The following ROPN1L variants were observed in gnomAD, a reference collection of about 807,000 sequenced individuals.
ROPN1L encodes the protein ropporin-1-like protein.
Under a neutral mutation model 22.7 loss-of-function variants are expected in ROPN1L, and 23 were observed. The ratio of observed to expected loss-of-function variants is 1.01; its 90% CI spans 0.73 to 1.43. The LOEUF is 1.43. Ranked by LOEUF, ROPN1L falls within the 40% of genes most tolerant of loss-of-function variation. The probability of loss-of-function intolerance (pLI) is 0.00; values close to 1 mark genes in which losing one functional copy is unlikely to be tolerated. For synonymous variants in ROPN1L, 116 were observed against 117.8 expected, an observed-to-expected ratio of 0.98 and a Z score of 0.10; for missense variants, 271 against 291.5, an observed-to-expected ratio of 0.93 and a Z score of 0.51.
downstream of ROPN1L, among the ~76,000 whole-genome samples, chr5:10,474,524 A>G (rs138237005): frequency 6.6e-3 from 1,008 of 152,276 alleles, 9 homozygotes; most frequent in African/African-American, 0.023. Context: ...CCAAAAAACG[A>G]GACCTCAGCT....
chr5:10,461,646 C>T (rs1269025060), intron 4 of ROPN1L: 1 of 263,844 alleles, frequency 3.8e-6, no homozygotes, highest in Non-Finnish European at 7.2e-6. Flanking sequence ...CCAAGACTGC[C>T]CCCACCCTGC....
At chr5:10,454,208 C>A (rs1741346605) in intron 3 of ROPN1L, among the ~76,000 whole-genome samples, 2 of 152,066 alleles carry the variant, frequency 1.3e-5, no homozygotes, top group Non-Finnish European at 2.9e-5. Flanking sequence ...CTCACTGCAG[C>A]CTCAACCTCC....
intron 3 of ROPN1L, among the ~76,000 whole-genome samples, chr5:10,450,409 T>A (rs905478278): frequency 6.6e-6 from 1 of 152,228 alleles, no homozygotes; most frequent in Non-Finnish European, 1.5e-5. Context: ...AAACTACAAA[T>A]CATTTTGTAA....
intron 3 of ROPN1L, among the ~76,000 whole-genome samples, chr5:10,456,009 T>C (rs1224715653): frequency 6.6e-6 from 1 of 151,936 alleles, no homozygotes; most frequent in Non-Finnish European, 1.5e-5. Flanking sequence ...CTTGGGGAGG[T>C]GTGAGGTGAC....
rs11957839 is a variant in ROPN1L, at chr5:10,448,393, G to T, written c.255+10G>T. The T allele has an allele frequency of 1.0e-3, 1,620 of 1,613,834 alleles. 12 individuals carry two copies. The highest frequency in any genetic ancestry group is 7.1e-3 in the South Asian group (649 of 91,056). ...AGTTTTGCACAAGCAGGTATGGGGG[G>T]GCGTAGTCTCTGGCCTCAGGCAGCT... On this transcript the variant is annotated intron_variant, in intron 2 of 4. Transcript: ENST00000274134.
intron 3 of ROPN1L, among the ~76,000 whole-genome samples, chr5:10,458,630 C>CT (rs1198410735): frequency 1.3e-5 from 1 of 75,624 alleles, no homozygotes; most frequent in Non-Finnish European, 2.7e-5. Context: ...CATCATCCCC[C>CT]CATGTACACC....
At chr5:10,458,928 C>T (rs1287688897) in intron 3 of ROPN1L, among the ~76,000 whole-genome samples, 8 of 105,936 alleles carry the variant, frequency 7.6e-5, no homozygotes, top group African/African-American at 2.9e-4. Context: ...ATCCCCCCAC[C>T]GTGTACACCA....
chr5:10,465,950 AGCTGAG>A (rs1735146416), downstream of ROPN1L, among the ~76,000 whole-genome samples: 1 of 152,166 alleles, frequency 6.6e-6, no homozygotes, highest in Admixed American at 6.5e-5. Flanking sequence ...GGGCATTGGC[AGCTGAG>A]GCTGCATCTT....
intron 3 of ROPN1L, among the ~76,000 whole-genome samples, chr5:10,459,284 A>AGGTTCCCGCCTTCCACCCTCCTCACCG (rs1180233738): frequency 3.1e-4 from 46 of 146,584 alleles, no homozygotes; most frequent in Middle Eastern, 3.5e-3. Flanking sequence ...CCTCCTTGCC[A>AGGTTCCCGCCTTCCACCCTCCTCACCG]GGTTCCCGCC....
chr5:10,452,116 G>A (rs1479896084), intron 3 of ROPN1L, among the ~76,000 whole-genome samples: 1 of 151,978 alleles, frequency 6.6e-6, no homozygotes, highest in African/African-American at 2.4e-5. Context: ...GAGTAGCTGG[G>A]ATTACAGGCA....
At position 10,442,202 on chromosome 5, in the gene ROPN1L, A is replaced by C. The variant is rs1163898801; in HGVS notation, c.35A>C (p.Gln12Pro). The C allele has an allele frequency of 6.2e-7, 1 of 1,613,836 alleles. No individual in the cohort carries two copies. The highest frequency in any genetic ancestry group is 8.5e-7 in the Non-Finnish European group (1 of 1,179,888). ...CCCGACACCATGTTCTGCGCTCAGCAGATCCACATTCCCCCGGAGCTGCCG... is the reference window on the plus strand; with the variant it reads ...CCCGACACCATGTTCTGCGCTCAGCCGATCCACATTCCCCCGGAGCTGCCG... Reference protein sequence around the residue: ...PLPDTMFCAQQIHIPPELPDI... With the variant: ...PLPDTMFCAQPIHIPPELPDI... The change falls in exon 1 of 5, where the codon CAG becomes CCG. Residue 12 changes from glutamine to proline, a missense_variant. Physicochemically the swap from Gln to Pro is moderately conservative, Grantham distance 76. Coordinates refer to ENST00000274134, the MANE Select transcript of ROPN1L (RefSeq NM_031916.5).
chr5:10,467,824 C>T (rs987006814), downstream of ROPN1L, among the ~76,000 whole-genome samples: 4 of 152,194 alleles, frequency 2.6e-5, no homozygotes, highest in African/African-American at 9.6e-5. Flanking sequence ...ACACCTGTGT[C>T]GTCTCAGAGT....
chr5:10,478,313 C>T, the ROPN1L span, among the ~76,000 whole-genome samples: 1 of 152,216 alleles, frequency 6.6e-6, no homozygotes, highest in Non-Finnish European at 1.5e-5. Context: ...TTCCCAGTAC[C>T]CTTTCTGTAT....
In ROPN1L at chr5:10,464,933, G is replaced by T. The variant is rs748897594; in HGVS notation, c.679G>T (p.Asp227Tyr). 6.3e-7 allele frequency: 1 copy of T among 1,586,932 alleles called. No homozygotes were observed. Among genetic ancestry groups the T allele is most frequent in the Non-Finnish European group, 8.6e-7 (1 of 1,163,146 alleles). ...TTTAGAAAGCATTGAAAACTCTGAAGATGTAGGCCATTAATACAGAGAAGA... is the reference window on the plus strand; with the variant it reads ...TTTAGAAAGCATTGAAAACTCTGAATATGTAGGCCATTAATACAGAGAAGA... ...KLLESIENSE[D>Y]VGH is the part of the protein sequence containing the mutation. Residue 227 changes from aspartate to tyrosine, a missense_variant, in exon 5 of 5, where the codon GAT becomes TAT. Asp to Tyr is a radical substitution (Grantham distance 160, BLOSUM62 -3). Coordinates refer to ENST00000274134, the MANE Select transcript of ROPN1L (RefSeq NM_031916.5).
the ROPN1L span, chr5:10,481,970 C>G: frequency 3.9e-5 from 6 of 152,370 alleles, no homozygotes; most frequent in African/African-American, 1.2e-4. Flanking sequence ...GTGGTTCATG[C>G]CTATAATCCC....
chr5:10,461,239 G>A lies in ROPN1L; in HGVS notation c.473G>A (p.Gly158Asp). ...LCEILTDDPE[G>D]GPARIPFKTF... is the part of the protein sequence containing the mutation. ...GAGATCCTCACGGACGATCCGGAGG[G>A]CGGGCCCGCTCGCATCCCCTTCAAG... Residue 158 changes from glycine to aspartate, a missense_variant, in exon 4 of 5, where the codon GGC (glycine) becomes GAC (aspartate). By Grantham distance (94) the Gly-to-Asp change is moderately conservative (BLOSUM62 -1). Coordinates refer to ENST00000274134, the MANE Select transcript of ROPN1L (RefSeq NM_031916.5). 1 of 1,614,124 alleles carries A rather than the reference G, an allele frequency of 6.2e-7. No homozygotes were observed. Among genetic ancestry groups the A allele is most frequent in the Admixed American group, 1.7e-5 (1 of 60,020 alleles).
chr5:10,460,697 C>T (rs949243044), intron 3 of ROPN1L, among the ~76,000 whole-genome samples: 1 of 152,236 alleles, frequency 6.6e-6, no homozygotes, highest in Non-Finnish European at 1.5e-5. Context: ...GCCCTCCCTT[C>T]TGCTCGGTGG....
downstream of ROPN1L, among the ~76,000 whole-genome samples, chr5:10,473,682 G>A (rs1735281217): frequency 6.6e-6 from 1 of 152,190 alleles, no homozygotes; most frequent in Non-Finnish European, 1.5e-5. Flanking sequence ...ATGGGACAGA[G>A]CCCTGAAGCA....
chr5:10,471,299 G>A (rs1735241170), intron 4 of ROPN1L, among the ~76,000 whole-genome samples: 1 of 151,894 alleles, frequency 6.6e-6, no homozygotes, highest in African/African-American at 2.4e-5. Context: ...CACCACTGCT[G>A]GCTAATTTTT....
Sources: gnomAD v4.1 joint callset for allele counts (sites outside exome capture counted in the v4.1 genomes callset) on GRCh38, gnomAD v4.1.1 for gene constraint, MANE v1.5 for transcripts, NCBI Gene and HGNC (gene_info 2026-07-23, HGNC 2026-07-21) for gene names.